The following TEX15 variants were observed in gnomAD, a reference collection of about 807,000 sequenced individuals.
TEX15 encodes testis-expressed protein 15.
In TEX15, 171 loss-of-function variants were observed where a neutral mutation model predicts 237.3. That is an observed-to-expected ratio of 0.72 (90% CI 0.64 to 0.82). The LOEUF is 0.82. Among genes scored for constraint, TEX15 ranks in the 40% least tolerant of loss-of-function variants. TEX15 has a pLI of 0.00. For missense variants in TEX15, 3,750 were observed against 3,646.5 expected (o/e 1.03, Z -0.73); for synonymous variants, 1,338 against 1,269.8 (o/e 1.05, Z -1.14).
At position 30,843,414 on chromosome 8, in the gene TEX15, A is replaced by G. The variant is rs1807511860; in HGVS notation, c.6753T>C (p.Phe2251=). ...CACGTACTGCCTCGTTGTTCTTAAT[A>G]AAATTAACCTTTGAGGAGATCATTT... ...IIEMISSKVN[F]IKNNEAVRVK... Residue 2251 remains phenylalanine, a synonymous_variant, in exon 8 of 11, where the codon TTT becomes TTC. Transcript: ENST00000643185. 3 of 1,613,070 alleles carry G rather than the reference A, an allele frequency of 1.9e-6. No homozygotes were observed. In the African/African-American group the frequency reaches 4.0e-5, roughly 22 times the overall value.
intron 7 of TEX15, among the ~76,000 whole-genome samples, chr8:30,850,244 A>T (rs1248950228): frequency 6.6e-6 from 1 of 152,176 alleles, no homozygotes; most frequent in African/African-American, 2.4e-5. Context: ...AAACCTGGAA[A>T]ATAAAAGCAA....
chr8:30,867,825 TTA>T (rs1808205793), intron 4 of TEX15, among the ~76,000 whole-genome samples: 2 of 152,094 alleles, frequency 1.3e-5, no homozygotes, highest in Admixed American at 1.3e-4. Flanking sequence ...CAAGAAGTTT[TTA>T]TAGTTTATTT....
Position 30,901,207 on chromosome 8 carries a change from G to A in TEX15, c.-85-2390C>T, listed in dbSNP as rs138499704. Among the ~76,000 whole-genome samples, 6 of 152,260 alleles carry A rather than the reference G, an allele frequency of 3.9e-5. No homozygotes were observed. In the East Asian group the frequency reaches 1.2e-3, roughly 29 times the overall value. Reference sequence around the variant, plus strand: ...TCAATAGCTTTTTTCTCTACCAGAAGCTATCTAGTAGAGTACCTATAAATT... The same window carrying A: ...TCAATAGCTTTTTTCTCTACCAGAAACTATCTAGTAGAGTACCTATAAATT... On this transcript the variant is annotated intron_variant, in intron 1 of 10. Transcript: ENST00000643185.
At chr8:30,888,386 C>G (rs1318913211) in intron 2 of TEX15, among the ~76,000 whole-genome samples, 1 of 152,176 alleles carries the variant, frequency 6.6e-6, no homozygotes. Flanking sequence ...CGCTTATTGA[C>G]TACTGTTCCA....
intron 7 of TEX15, among the ~76,000 whole-genome samples, chr8:30,852,093 A>ATC (rs1807800071): frequency 7.1e-6 from 1 of 140,810 alleles, no homozygotes; most frequent in African/African-American, 2.8e-5. Flanking sequence ...ATGTACATTA[A>ATC]TTTAATCTTT....
intron 10 of TEX15, 29 bp from the exon 11 acceptor site, chr8:30,833,352 A>T: frequency 6.5e-7 from 1 of 1,549,756 alleles, no homozygotes; most frequent in Non-Finnish European, 8.8e-7. Context: ...CAAAGATTTA[A>T]ATAAATAATT....
chr8:30,912,334 T>TCCACGAGGC (rs1554505271), intron 1 of TEX15, among the ~76,000 whole-genome samples: 1 of 150,756 alleles, frequency 6.6e-6, no homozygotes, highest in African/African-American at 2.4e-5. Context: ...GCGGCGGGGC[T>TCCACGAGGC]CCCGCCCCCT....
At chr8:30,849,636 C>G (rs763052939) in intron 7 of TEX15, among the ~76,000 whole-genome samples, 5 of 152,014 alleles carry the variant, frequency 3.3e-5, no homozygotes, top group Non-Finnish European at 7.4e-5. Context: ...GGCACGGTGG[C>G]TCACGCTTAT....
intron 4 of TEX15, among the ~76,000 whole-genome samples, chr8:30,869,158 A>C (rs1024789828): frequency 2.0e-5 from 3 of 152,016 alleles, no homozygotes; most frequent in Non-Finnish European, 2.9e-5. Context: ...GGCTCTAAAA[A>C]TTGCATAAAA....
At chr8:30,910,509 A>G (rs1188738616) in intron 1 of TEX15, among the ~76,000 whole-genome samples, 1 of 151,552 alleles carries the variant, frequency 6.6e-6, no homozygotes, top group Non-Finnish European at 1.5e-5. Flanking sequence ...CAATGATGTG[A>G]TCACGGTTTC....
At chr8:30,860,362 T>C (rs2128770563) in intron 5 of TEX15, among the ~76,000 whole-genome samples, 3 of 151,470 alleles carry the variant, frequency 2.0e-5, no homozygotes, top group African/African-American at 4.8e-5. Flanking sequence ...TTCTCCTGCC[T>C]TGGCCTCCCA....
chr8:30,848,274 G>C lies in TEX15; in HGVS notation c.1893C>G (p.Ser631=). 6.2e-7 allele frequency: 1 copy of C among 1,612,554 alleles called. No individual in the cohort carries two copies. The highest frequency in any genetic ancestry group is 2.2e-5 in the East Asian group (1 of 44,874). The change falls in exon 8 of 11, where the codon TCC becomes TCG. Residue 631 remains serine, a synonymous_variant. Transcript: ENST00000643185. The stretch of plus-strand genomic sequence containing the variant: ...ATGAAGTTTGCTTTTCTTCATGTTT[G>C]GAACTGTCTTCCAGGTCAGCGAAGT... The part of the protein sequence containing the change: ...MKNFADLEDS[S]KHEEKQTSWK...
intron 3 of TEX15, among the ~76,000 whole-genome samples, chr8:30,884,793 AT>A (rs954914997): frequency 2.7e-5 from 4 of 150,520 alleles, no homozygotes; most frequent in Non-Finnish European, 4.4e-5. Flanking sequence ...CATTTTGTTG[AT>A]TTTTTTCTAT....
In TEX15 at chr8:30,833,290, T is replaced by G; in HGVS notation, c.9515A>C (p.His3172Pro). The change falls in exon 11 of 11, where the codon CAC becomes CCC. Residue 3172 changes from histidine (H) to proline (P), a missense_variant. His to Pro is a moderately conservative substitution (Grantham distance 77). Transcript: ENST00000643185. The part of the protein sequence containing the change: ...PWHQESFHPG[H>P] Reference sequence around the variant, plus strand: ...TCAATAGACAGAAGACTATTTTCAGTGTCCTGGATGAAAGGATTCTTGGTG... The same window carrying G: ...TCAATAGACAGAAGACTATTTTCAGGGTCCTGGATGAAAGGATTCTTGGTG... 1 of 1,588,026 alleles carries G rather than the reference T, an allele frequency of 6.3e-7. No homozygotes were observed. The highest frequency in any genetic ancestry group is 8.6e-7 in the Non-Finnish European group (1 of 1,168,514).
rs1336775267 is a variant in TEX15 at position 30,843,698 on chromosome 8, T to C, written c.6469A>G (p.Lys2157Glu). The C allele has an allele frequency of 6.2e-7, 1 of 1,612,500 alleles. No homozygotes were observed. The highest frequency in any genetic ancestry group is 1.7e-5 in the Admixed American group (1 of 59,802). Residue 2157 changes from lysine (K) to glutamate (E), a missense_variant, in exon 8 of 11, where the codon AAA (lysine) becomes GAA (glutamate). Coordinates refer to ENST00000643185, the MANE Select transcript of TEX15 (RefSeq NM_001350162.2). ...ACATAGTATGAATTCTTTTCCCTTT[T>C]TGTTTCTTCAAGCAATTCAACTAAT... The part of the protein sequence containing the change: ...DQLVELLEET[K>E]REKNSYYVFL...
intron 2 of TEX15, chr8:30,888,614 T>C (rs1216766572): frequency 7.8e-7 from 1 of 1,288,864 alleles, no homozygotes; most frequent in Non-Finnish European, 1.0e-6. Flanking sequence ...GGGAAATATA[T>C]ATAAGCAGGT....
chr8:30,869,047 A>AT (rs1808234534), intron 4 of TEX15, among the ~76,000 whole-genome samples: 1 of 151,614 alleles, frequency 6.6e-6, no homozygotes, highest in African/African-American at 2.4e-5. Context: ...AATACTTTTT[A>AT]TTTTTCAGTA....
rs1807207243 is a variant in TEX15, at chr8:30,832,633, A to G, written c.*653T>C. 6.6e-6 allele frequency: 1 copy of G among 152,238 alleles called. No homozygotes were observed. The highest frequency in any genetic ancestry group is 1.5e-5 in the Non-Finnish European group (1 of 68,026). The allele number at this position is 152,238 out of a possible 1,614,324, so 9.4% of individuals were successfully genotyped here. On this transcript the variant is annotated 3_prime_UTR_variant, in exon 11 of 11. Transcript: ENST00000643185. ...TATTATTTGCTAGAAAATCATTAAA[A>G]TAACTATTTAAATTGTGAAATCCAA...
At chr8:30,841,718 T>C (rs1030193662) in intron 8 of TEX15, among the ~76,000 whole-genome samples, 3 of 152,188 alleles carry the variant, frequency 2.0e-5, no homozygotes, top group African/African-American at 7.2e-5. Flanking sequence ...TTGAACTCCT[T>C]CTTAAGAAGC....
Sources: gnomAD v4.1 joint callset for allele counts (sites outside exome capture counted in the v4.1 genomes callset) on GRCh38, gnomAD v4.1.1 for gene constraint, MANE v1.5 for transcripts, NCBI Gene and HGNC (gene_info 2026-07-23, HGNC 2026-07-21) for gene names.